DDX6: variants seen among roughly 807,000 people sequenced by gnomAD.
The protein encoded by DDX6 is DEAD-box helicase 6.
In DDX6, 7 loss-of-function variants were observed where a neutral mutation model predicts 60.6. The ratio of observed to expected loss-of-function variants is 0.12; its 90% CI spans 0.07 to 0.22. DDX6 has a LOEUF of 0.22. Among genes scored for constraint, DDX6 ranks in the 10% least tolerant of loss-of-function variants. DDX6 has a pLI of 1.00. For missense variants in DDX6, 270 were observed against 589.9 expected (o/e 0.46, Z 5.62); for synonymous variants, 207 against 201.0 (o/e 1.03, Z -0.25).
At chr11:118,775,096 C>T (rs1176330998) in intron 4 of DDX6, among the ~76,000 whole-genome samples, 2 of 152,084 alleles carry the variant, frequency 1.3e-5, no homozygotes, top group Non-Finnish European at 2.9e-5. Context: ...GAGTGGATCG[C>T]CTGAGGTCAG....
Position 118,757,282 on chromosome 11 carries a change from C to A in DDX6, c.999G>T (p.Gln333His). The change falls in exon 10 of 14, where the codon CAG (glutamine) becomes CAT (histidine). Residue 333 changes from glutamine (Q) to histidine (H), a missense_variant. By Grantham distance (24) the Gln-to-His change is conservative. Transcript: ENST00000534980. ...HCLNTLFSRL[Q>H]INQSIIFCNS... ...TACAGAAAATGATCGACTGGTTTAT[C>A]TGAAGCTGAGCACAGAAAAAAATAA... is the stretch of plus-strand genomic sequence containing the variant. 6.5e-7 allele frequency: 1 copy of A among 1,539,464 alleles called. No individual in the cohort carries two copies. Among genetic ancestry groups the A allele is most frequent in the South Asian group, 1.3e-5 (1 of 77,890 alleles).
intron 13 of DDX6, among the ~76,000 whole-genome samples, chr11:118,754,151 G>C (rs1427146031): frequency 6.6e-6 from 1 of 152,148 alleles, no homozygotes; most frequent in African/African-American, 2.4e-5. Flanking sequence ...GCCAGGCACA[G>C]TGGCACAGTG....
intron 4 of DDX6, among the ~76,000 whole-genome samples, chr11:118,777,779 C>T (rs1861748718): frequency 6.6e-6 from 1 of 151,146 alleles, no homozygotes; most frequent in South Asian, 2.1e-4. Flanking sequence ...ATTCCAGCTA[C>T]TGGGGAGGCT....
chr11:118,757,328 A>G, intron 9 of DDX6, 41 bp from the exon 10 acceptor site: 2 of 1,194,750 alleles, frequency 1.7e-6, no homozygotes, highest in Middle Eastern at 2.0e-4. Flanking sequence ...AATAAAAAAA[A>G]CCTTCATTTG....
In DDX6 at chr11:118,751,906, C is replaced by T. The variant is rs1214288299; in HGVS notation, c.*199G>A. The T allele has an allele frequency of 2.3e-6, 1 of 437,468 alleles. No homozygotes were observed. Among genetic ancestry groups the T allele is most frequent in the Non-Finnish European group, 4.6e-6 (1 of 219,764 alleles). The allele number at this position is 437,468 out of a possible 1,614,324, so 27.1% of individuals were successfully genotyped here. A position where few individuals can be genotyped will look rare whatever the true frequency, so the allele number is the denominator to read the frequency against. Reference sequence around the variant, plus strand: ...ATGTTCAGTCAGCACACAGTGCAAACAAGTGGAACAAAAAAGGTATATTCC... The same window carrying T: ...ATGTTCAGTCAGCACACAGTGCAAATAAGTGGAACAAAAAAGGTATATTCC... On this transcript the variant is annotated 3_prime_UTR_variant, in exon 14 of 14. Coordinates refer to ENST00000534980, the MANE Select transcript of DDX6 (RefSeq NM_004397.6).
rs1349680094 is a variant in DDX6 at position 118,761,289 on chromosome 11, A to G, written c.742-1245T>C. On this transcript the variant is annotated intron_variant, in intron 7 of 13. Coordinates refer to ENST00000534980, the MANE Select transcript of DDX6 (RefSeq NM_004397.6). The stretch of plus-strand genomic sequence containing the variant: ...AAACTATTAAAATTTGGATGTTTAC[A>G]TAATGTAGTAACTACTTTACCGGGA... Among the ~76,000 whole-genome samples the G allele has an allele frequency of 2.0e-5, 3 of 152,134 alleles. 1 individual carries two copies. The highest frequency in any genetic ancestry group is 2.0e-4 in the Admixed American group (3 of 15,278).
At chr11:118,775,265 G>A (rs1015101401) in intron 4 of DDX6, among the ~76,000 whole-genome samples, 7 of 152,220 alleles carry the variant, frequency 4.6e-5, no homozygotes, top group East Asian at 1.9e-4. Flanking sequence ...GCAGTAAGCC[G>A]AGAGCACACC....
In DDX6 at chr11:118,751,067, G is replaced by GTATATGTA. The variant is rs1860748315; in HGVS notation, c.*1037_*1038insTACATATA. 7.1e-6 allele frequency: 1 copy of GTATATGTA among 140,198 alleles called. No individual in the cohort carries two copies. The highest frequency in any genetic ancestry group is 1.5e-5 in the Non-Finnish European group (1 of 65,202). The allele number at this position is 140,198 out of a possible 1,614,324, so 8.7% of individuals were successfully genotyped here. A position where few individuals can be genotyped will look rare whatever the true frequency, so the allele number is the denominator to read the frequency against. ...CATCCAAAAAAAAATATATATATATGTATATATATATATATATATGAACCC... is the reference window on the plus strand; with the variant it reads ...CATCCAAAAAAAAATATATATATATGTATATGTATATATATATATATATATATGAACCC... On this transcript the variant is annotated 3_prime_UTR_variant, in exon 14 of 14. Coordinates refer to ENST00000534980, the MANE Select transcript of DDX6 (RefSeq NM_004397.6).
chr11:118,775,014 G>C (rs1861652245), intron 4 of DDX6, among the ~76,000 whole-genome samples: 1 of 152,106 alleles, frequency 6.6e-6, no homozygotes, highest in East Asian at 1.9e-4. Flanking sequence ...CTCAGAAATA[G>C]CAACTAAATA....
intron 8 of DDX6, 180 bp from the exon 9 acceptor site, chr11:118,759,082 C>T: frequency 1.3e-6 from 1 of 748,104 alleles, no homozygotes; most frequent in Admixed American, 3.2e-5. Context: ...CACCCTGAGA[C>T]AAAATCTTGC....
At chr11:118,769,122 T>C (rs1861451465) in intron 4 of DDX6, among the ~76,000 whole-genome samples, 1 of 149,686 alleles carries the variant, frequency 6.7e-6, no homozygotes, top group Admixed American at 6.7e-5. Context: ...TGAGACCCCA[T>C]CTCTACAAAA....
chr11:118,764,821 T>TACACATACACACACACAC (rs1555160986), intron 6 of DDX6, among the ~76,000 whole-genome samples: 3 of 139,000 alleles, frequency 2.2e-5, no homozygotes, highest in Non-Finnish European at 4.5e-5. Flanking sequence ...AAAAAAAATA[T>TACACATACACACACACAC]ACACACACAC....
In DDX6 at chr11:118,776,351, T is replaced by C. The variant is rs531364069; in HGVS notation, c.369+3281A>G. 8.5e-5 allele frequency among the ~76,000 whole-genome samples: 13 copies of C among 152,292 alleles called. No individual in the cohort carries two copies. In the South Asian group the frequency reaches 2.5e-3, roughly 29 times the overall value. The stretch of plus-strand genomic sequence containing the variant: ...ATATAGGTCAGGAGTCTAAGACTTA[T>C]AGATCCCAAATAACCAATTTATGAA... On this transcript the variant is annotated intron_variant, in intron 4 of 13. Coordinates refer to ENST00000534980, the MANE Select transcript of DDX6 (RefSeq NM_004397.6).
chr11:118,761,895 C>G (rs1180632494), intron 7 of DDX6, among the ~76,000 whole-genome samples: 1 of 147,528 alleles, frequency 6.8e-6, no homozygotes, highest in African/African-American at 2.5e-5. Context: ...ATGTAAAGCA[C>G]TTAGTGCTGG....
At chr11:118,763,550 T>C (rs868974828) in intron 6 of DDX6, among the ~76,000 whole-genome samples, 19 of 152,056 alleles carry the variant, frequency 1.2e-4, no homozygotes, top group Admixed American at 6.5e-4. Context: ...TAGAAACAAC[T>C]AGGCCGGGTG....
Position 118,757,842 on chromosome 11 carries a change from C to T in DDX6, c.994-555G>A, listed in dbSNP as rs186035187. ...TTGACCTCAGGTGATCTGCCCACTT[C>T]GGCTTCCCAAAGTGCTGGGATTACA... is the stretch of plus-strand genomic sequence containing the variant. On this transcript the variant is annotated intron_variant, in intron 9 of 13. Coordinates refer to ENST00000534980, the MANE Select transcript of DDX6 (RefSeq NM_004397.6). Among the ~76,000 whole-genome samples the T allele has an allele frequency of 1.9e-3, 295 of 152,208 alleles. 1 individual carries two copies. Among genetic ancestry groups the T allele is most frequent in the African/African-American group, 6.6e-3 (275 of 41,546 alleles).
upstream of DDX6, chr11:118,791,224 T>C (rs1862268247): frequency 1.3e-5 from 2 of 152,138 alleles, no homozygotes; most frequent in Non-Finnish European, 2.9e-5. Flanking sequence ...TCCCTGCCTC[T>C]CCGCATGGCG....
intron 13 of DDX6, 63 bp downstream of exon 13, chr11:118,754,642 G>A: frequency 2.1e-6 from 3 of 1,461,494 alleles, no homozygotes; most frequent in East Asian, 2.3e-5. Flanking sequence ...ATTTCCCCCA[G>A]GAAAGAAGAT....
intron 4 of DDX6, among the ~76,000 whole-genome samples, 198 bp from the exon 5 acceptor site, chr11:118,768,550 T>C (rs1268216203): frequency 6.6e-6 from 1 of 152,152 alleles, no homozygotes; most frequent in Non-Finnish European, 1.5e-5. Flanking sequence ...TAAACCAGTA[T>C]TTACCAGAAC....
Sources: allele counts gnomAD v4.1 joint callset (sites outside exome capture counted in the v4.1 genomes callset), GRCh38; gene constraint gnomAD v4.1.1; transcripts MANE v1.5; gene names NCBI Gene and HGNC (gene_info 2026-07-23, HGNC 2026-07-21).